The following GSDMC variants were observed in gnomAD, a reference collection of about 807,000 sequenced individuals.
GSDMC encodes gasdermin C.
A neutral mutation model predicts 58.0 loss-of-function variants in GSDMC; 59 were observed. The ratio of observed to expected loss-of-function variants is 1.02; its 90% CI spans 0.82 to 1.26. GSDMC has a LOEUF of 1.26. Ranked by LOEUF, GSDMC falls within the 50% of genes most tolerant of loss-of-function variation. The pLI is 0.00. For missense variants in GSDMC, 659 were observed against 598.5 expected, an observed-to-expected ratio of 1.10 and a Z score of -1.06; for synonymous variants, 241 against 220.2, an observed-to-expected ratio of 1.09 and a Z score of -0.83.
intron 1 of GSDMC, among the ~76,000 whole-genome samples, chr8:129,777,927 C>T (rs1215996939): frequency 6.6e-6 from 1 of 152,100 alleles, no homozygotes; most frequent in African/African-American, 2.4e-5. Flanking sequence ...TTCTGACAGG[C>T]ACTGCTGTAA....
the GSDMC span, chr8:129,729,763 A>C: frequency 3.3e-6 from 2 of 599,264 alleles, no homozygotes; most frequent in Non-Finnish European, 6.0e-6. Flanking sequence ...AAGTGTCGCA[A>C]TAAACATATG....
intron 3 of GSDMC, among the ~76,000 whole-genome samples, chr8:129,774,416 G>C (rs1207249465): frequency 6.6e-6 from 1 of 151,438 alleles, no homozygotes; most frequent in Non-Finnish European, 1.5e-5. Flanking sequence ...TTAGAAACCT[G>C]AATATAAGAC....
intron 6 of GSDMC, among the ~76,000 whole-genome samples, chr8:129,753,055 G>C (rs1303926591): frequency 6.6e-6 from 1 of 152,160 alleles, no homozygotes; most frequent in Admixed American, 6.5e-5. Flanking sequence ...TAAACTTAAA[G>C]GTCAGTCTAG....
At chr8:129,711,799 T>G in the GSDMC span, among the ~76,000 whole-genome samples, 1 of 152,216 alleles carries the variant, frequency 6.6e-6, no homozygotes, top group African/African-American at 2.4e-5. Context: ...CCATTTGAAG[T>G]GATCATTAGT....
At chr8:129,712,408 C>A in the GSDMC span, among the ~76,000 whole-genome samples, 1 of 152,202 alleles carries the variant, frequency 6.6e-6, no homozygotes, top group Non-Finnish European at 1.5e-5. Flanking sequence ...TCTAACTCAG[C>A]AGGCCAGTTC....
downstream of GSDMC, among the ~76,000 whole-genome samples, chr8:129,745,096 A>G (rs2032933442): frequency 6.6e-6 from 1 of 152,226 alleles, no homozygotes; most frequent in South Asian, 2.1e-4. Context: ...AAGTTTTCTT[A>G]CTACAAGCCC....
At chr8:129,753,675 T>G (rs1433713317) in intron 6 of GSDMC, among the ~76,000 whole-genome samples, 3 of 152,192 alleles carry the variant, frequency 2.0e-5, no homozygotes, top group Non-Finnish European at 4.4e-5. Flanking sequence ...CACAGTGGTG[T>G]AGTGCACCAA....
chr8:129,770,671 C>T (rs2034017798), intron 3 of GSDMC, among the ~76,000 whole-genome samples: 1 of 151,932 alleles, frequency 6.6e-6, no homozygotes, highest in Non-Finnish European at 1.5e-5. Context: ...ATCAATCATA[C>T]TACCACAAAA....
chr8:129,717,249 G>A, the GSDMC span, among the ~76,000 whole-genome samples: 5,006 of 99,494 alleles, frequency 0.05, 136 homozygotes, highest in Middle Eastern at 0.19. Context: ...CTGGTCCTGG[G>A]CTTTTTTTTT....
chr8:129,764,475 A>G (rs2033787606), intron 4 of GSDMC, among the ~76,000 whole-genome samples: 1 of 152,202 alleles, frequency 6.6e-6, no homozygotes, highest in Non-Finnish European at 1.5e-5. Context: ...ACTCTCAATG[A>G]GGACTTGCAC....
chr8:129,756,599 C>T (rs1420923010), intron 6 of GSDMC, among the ~76,000 whole-genome samples: 1 of 152,106 alleles, frequency 6.6e-6, no homozygotes, highest in African/African-American at 2.4e-5. Flanking sequence ...CTGCAGAATA[C>T]ACATTTTTTT....
chr8:129,777,703 G>A (rs959225359), intron 1 of GSDMC, 112 bp from the exon 2 acceptor site: 2 of 673,104 alleles, frequency 3.0e-6, no homozygotes, highest in South Asian at 3.5e-5. Flanking sequence ...AGATTAGCAG[G>A]TCTTTACTTA....
the GSDMC span, among the ~76,000 whole-genome samples, chr8:129,736,686 CTGAAT>C: frequency 6.6e-6 from 1 of 152,174 alleles, no homozygotes; most frequent in Non-Finnish European, 1.5e-5. Context: ...CAATATCATA[CTGAAT>C]GGGCAAAAAC....
At chr8:129,751,056 G>A (rs1401193392) in intron 10 of GSDMC, among the ~76,000 whole-genome samples, 1 of 152,158 alleles carries the variant, frequency 6.6e-6, no homozygotes, top group Non-Finnish European at 1.5e-5. Context: ...GGGATTGCTT[G>A]AGGCCAGGAA....
At chr8:129,751,938 A>G in intron 8 of GSDMC, 47 bp from the exon 9 acceptor site, 1 of 1,585,536 alleles carries the variant, frequency 6.3e-7, no homozygotes, top group Non-Finnish European at 8.7e-7. Context: ...CAAAGACTAG[A>G]TTTCTCCAAC....
chr8:129,764,332 T>C (rs531880177), intron 4 of GSDMC, among the ~76,000 whole-genome samples: 68 of 152,304 alleles, frequency 4.5e-4, no homozygotes, highest in Admixed American at 6.5e-4. Flanking sequence ...GTTTTTTTAG[T>C]TATTTCTTTT....
chr8:129,781,714 C>T (rs940793372), intron 1 of GSDMC, among the ~76,000 whole-genome samples: 1 of 147,144 alleles, frequency 6.8e-6, no homozygotes, highest in Non-Finnish European at 1.5e-5. Context: ...CGCGCCACTG[C>T]ACTCCAGCCT....
In GSDMC at chr8:129,752,762, T is replaced by A. The variant is rs148158167; in HGVS notation, c.780A>T (p.Pro260=). The A allele has an allele frequency of 1.6e-3, 2,545 of 1,614,226 alleles. 3 individuals are homozygous for A. The highest frequency in any genetic ancestry group is 1.9e-3 in the Non-Finnish European group (2,292 of 1,180,032). The change falls in exon 7 of 14, where the codon CCA becomes CCT. Residue 260 remains proline (P), a synonymous_variant. Transcript: ENST00000276708. ...GGGTTGGAGAGATGGTATGAAATGATGGTAGCAACCCCTCACTCCTCGCAG... is the reference window on the plus strand; with the variant it reads ...GGGTTGGAGAGATGGTATGAAATGAAGGTAGCAACCCCTCACTCCTCGCAG... The part of the protein sequence containing the change: ...YCAARSEGLL[P]SFHTISPTLF...
Position 129,758,951 on chromosome 8 carries a change from T to C in GSDMC, c.721+1594A>G, listed in dbSNP as rs183353979. Among the ~76,000 whole-genome samples, 505 of 152,214 alleles carry C rather than the reference T, an allele frequency of 3.3e-3. 2 individuals carry two copies. Among genetic ancestry groups the C allele is most frequent in the Non-Finnish European group, 4.3e-3 (289 of 67,990 alleles). On this transcript the variant is annotated intron_variant, in intron 6 of 13. Transcript: ENST00000276708. The stretch of plus-strand genomic sequence containing the variant: ...ACAAAACCAGAAGAATCACATTACC[T>C]GACTCCAAATTAAACTGCAGAGCTA...
Sources: gnomAD v4.1 joint callset for allele counts (sites outside exome capture counted in the v4.1 genomes callset) on GRCh38, gnomAD v4.1.1 for gene constraint, MANE v1.5 for transcripts, NCBI Gene and HGNC (gene_info 2026-07-23, HGNC 2026-07-21) for gene names.